CDH18: variants seen among roughly 807,000 people sequenced by gnomAD.
The protein encoded by CDH18 is cadherin-18.
CDH18 carries 31 observed loss-of-function variants against 67.9 expected under a neutral mutation model. The ratio of observed to expected loss-of-function variants is 0.46; its 90% CI spans 0.34 to 0.62. The LOEUF (loss-of-function observed/expected upper bound fraction) is 0.62. Ranked by LOEUF, CDH18 falls within the 20% of genes least tolerant of loss-of-function variation. CDH18 has a pLI of 0.01. For synonymous variants in CDH18, 362 were observed against 347.2 expected (o/e 1.04, Z -0.48); for missense variants, 890 against 975.5 (o/e 0.91, Z 1.17).
At chr5:20,063,936 A>C (rs1742739906) in intron 2 of CDH18, among the ~76,000 whole-genome samples, 1 of 152,200 alleles carries the variant, frequency 6.6e-6, no homozygotes, top group Admixed American at 6.6e-5. Flanking sequence ...CAGTAAGTTT[A>C]GTGTTCAGCA....
At chr5:20,452,870 TCAAA>T (rs879709609) in intron 1 of CDH18, among the ~76,000 whole-genome samples, 12 of 152,072 alleles carry the variant, frequency 7.9e-5, no homozygotes, top group Non-Finnish European at 1.3e-4. Context: ...AAAAAGCTAA[TCAAA>T]CAGTCTGAAA....
chr5:20,161,782 A>T (rs1480924123), intron 2 of CDH18, among the ~76,000 whole-genome samples: 2 of 152,202 alleles, frequency 1.3e-5, no homozygotes, highest in Non-Finnish European at 2.9e-5. Flanking sequence ...TCTTTGAGGC[A>T]TGCAGATTTA....
chr5:20,220,787 A>T (rs1741165606), intron 2 of CDH18, among the ~76,000 whole-genome samples: 1 of 152,076 alleles, frequency 6.6e-6, no homozygotes, highest in South Asian at 2.1e-4. Context: ...GAAAAAAAAT[A>T]ATAATCCAAT....
chr5:20,319,612 A>T (rs1017953889), intron 1 of CDH18, among the ~76,000 whole-genome samples: 2 of 152,226 alleles, frequency 1.3e-5, no homozygotes, highest in African/African-American at 2.4e-5. Flanking sequence ...ACCACAAAAC[A>T]TGTTAATCTT....
intron 2 of CDH18, among the ~76,000 whole-genome samples, chr5:20,052,384 T>C (rs919746170): frequency 1.3e-5 from 2 of 152,096 alleles, no homozygotes; most frequent in East Asian, 1.9e-4. Flanking sequence ...GAGGTTTCAG[T>C]TGACATACTA....
chr5:20,401,959 T>C (rs1242422369), intron 1 of CDH18, among the ~76,000 whole-genome samples: 1 of 152,182 alleles, frequency 6.6e-6, no homozygotes, highest in African/African-American at 2.4e-5. Flanking sequence ...TCCTTTGATC[T>C]TCTAAGCCTT....
intron 1 of CDH18, among the ~76,000 whole-genome samples, chr5:20,293,755 T>G (rs1747276611): frequency 6.6e-6 from 1 of 152,182 alleles, no homozygotes; most frequent in African/African-American, 2.4e-5. Flanking sequence ...GAAAGTTAAT[T>G]TAGATAATTC....
chr5:19,770,754 T>G (rs1242176087), intron 3 of CDH18, among the ~76,000 whole-genome samples: 1 of 152,240 alleles, frequency 6.6e-6, no homozygotes, highest in Admixed American at 6.5e-5. Context: ...ATTTCAGAAT[T>G]GCTATGTACT....
chr5:19,539,941 A>G (rs1457124833), intron 9 of CDH18, among the ~76,000 whole-genome samples: 2 of 151,952 alleles, frequency 1.3e-5, no homozygotes, highest in East Asian at 3.9e-4. Flanking sequence ...ACATTTCAAA[A>G]CCAATCATGT....
intron 1 of CDH18, among the ~76,000 whole-genome samples, chr5:20,475,242 T>C (rs1394016501): frequency 6.6e-6 from 1 of 152,204 alleles, no homozygotes; most frequent in Non-Finnish European, 1.5e-5. Flanking sequence ...AATTTATGCA[T>C]TATTTATGCA....
chr5:19,958,088 A>T (rs933631731), intron 2 of CDH18, among the ~76,000 whole-genome samples: 1 of 151,798 alleles, frequency 6.6e-6, no homozygotes, highest in Non-Finnish European at 1.5e-5. Flanking sequence ...TGGCTGGCCC[A>T]GCCATTACAT....
At chr5:20,536,679 G>A (rs1366499) in intron 1 of CDH18, among the ~76,000 whole-genome samples, 26,577 of 152,042 alleles carry the variant, frequency 0.17, 2,866 homozygotes, top group East Asian at 0.39. Context: ...TTCAGAAAAG[G>A]CTTTCAACTT....
chr5:19,766,704 C>G (rs1773131642), intron 3 of CDH18, among the ~76,000 whole-genome samples: 3 of 152,308 alleles, frequency 2.0e-5, no homozygotes, highest in Admixed American at 2.0e-4. Context: ...GCAAACTAAA[C>G]TGTATAATCT....
At chr5:19,731,101 A>G (rs1172472708) in intron 4 of CDH18, among the ~76,000 whole-genome samples, 1 of 152,156 alleles carries the variant, frequency 6.6e-6, no homozygotes, top group Non-Finnish European at 1.5e-5. Context: ...CTCTAGTCCT[A>G]CAATGAACCT....
intron 7 of CDH18, among the ~76,000 whole-genome samples, chr5:19,586,380 G>C (rs1410166790): frequency 2.0e-5 from 3 of 151,752 alleles, no homozygotes; most frequent in Non-Finnish European, 2.9e-5. Context: ...TACTCCTATA[G>C]GCCCGTGTGT....
Position 19,919,397 on chromosome 5 carries a change from T to G in CDH18, c.-257+61663A>C, listed in dbSNP as rs192983542. Among the ~76,000 whole-genome samples, 385 of 152,316 alleles carry G rather than the reference T, an allele frequency of 2.5e-3. 2 individuals are homozygous for G. Among genetic ancestry groups the G allele is most frequent in the African/African-American group, 8.9e-3 (368 of 41,560 alleles). On this transcript the variant is annotated intron_variant, in intron 2 of 12. Transcript: ENST00000382275. ...AGGAACTCCCAATTTGCAGCCAAGT[T>G]GGACAGCTGAATACCCACTACTTGT...
intron 2 of CDH18, among the ~76,000 whole-genome samples, chr5:19,867,536 T>A (rs758678072): frequency 1.3e-5 from 2 of 152,204 alleles, no homozygotes; most frequent in African/African-American, 2.4e-5. Flanking sequence ...AAACTTGGAA[T>A]ATAGGCTATT....
At chr5:19,989,994 G>A, upstream of CDH18, among the ~76,000 whole-genome samples, 1 of 152,124 alleles carries the variant, frequency 6.6e-6, no homozygotes, top group Admixed American at 6.5e-5. Context: ...GTATTATATT[G>A]CGCATTATAT....
chr5:19,643,152 A>C lies in CDH18; in HGVS notation c.644-30551T>G, dbSNP rs368626128. Among the ~76,000 whole-genome samples, 11 of 152,232 alleles carry C rather than the reference A, an allele frequency of 7.2e-5. No homozygotes were observed. In the East Asian group the frequency reaches 1.7e-3, roughly 24 times the overall value. On this transcript the variant is annotated intron_variant, in intron 5 of 12. Transcript: ENST00000382275. The stretch of plus-strand genomic sequence containing the variant: ...AAAGAGATATTACTTTAGCCCTCTT[A>C]GAATGGCCAGTCACTGTCACAAAAT...
Sources: gnomAD v4.1 joint callset for allele counts (sites outside exome capture counted in the v4.1 genomes callset) on GRCh38, gnomAD v4.1.1 for gene constraint, MANE v1.5 for transcripts, NCBI Gene and HGNC (gene_info 2026-07-23, HGNC 2026-07-21) for gene names.